Variants in SOD2 observed in about 807,000 individuals in gnomAD.
SOD2 encodes superoxide dismutase 2.
A neutral mutation model predicts 27.0 loss-of-function variants in SOD2; 11 were observed. The observed-to-expected ratio is 0.41, with a 90% CI of 0.26 to 0.67. SOD2 has a LOEUF of 0.67. SOD2 is among the 30% of genes least tolerant of loss of function. SOD2 has a pLI of 0.34. For synonymous variants in SOD2, 105 were observed against 103.0 expected, an observed-to-expected ratio of 1.02 and a Z score of -0.12; for missense variants, 250 against 274.5, an observed-to-expected ratio of 0.91 and a Z score of 0.63.
At chr6:159,685,538 G>T (rs907495168) in intron 3 of SOD2, among the ~76,000 whole-genome samples, 3 of 151,956 alleles carry the variant, frequency 2.0e-5, no homozygotes, top group Admixed American at 2.0e-4. Flanking sequence ...CACCGTGCCC[G>T]GTTCAAATTT....
upstream of SOD2, among the ~76,000 whole-genome samples, chr6:159,694,337 T>C (rs1438437416): frequency 6.6e-6 from 1 of 152,108 alleles, no homozygotes; most frequent in Non-Finnish European, 1.5e-5. Flanking sequence ...TTGAAAAGAA[T>C]ATGATGGAAG....
intron 1 of SOD2, among the ~76,000 whole-genome samples, chr6:159,705,593 G>C (rs953416958): frequency 1.3e-5 from 2 of 151,912 alleles, no homozygotes; most frequent in African/African-American, 4.8e-5. Context: ...AAGAAACAAA[G>C]CCTCCAAGAA....
intron 1 of SOD2, among the ~76,000 whole-genome samples, chr6:159,712,529 T>A (rs1777836170): frequency 1.5e-5 from 2 of 136,050 alleles, no homozygotes; most frequent in East Asian, 4.5e-4. Flanking sequence ...CCACTCACAC[T>A]GCTCTGATCA....
Position 159,700,686 on chromosome 6 carries a change from CAT to C in SOD2, c.-115-7825_-115-7824del, listed in dbSNP as rs1390411002. 8.6e-5 allele frequency among the ~76,000 whole-genome samples: 13 copies of C among 150,934 alleles called. No homozygotes were observed. In the South Asian group the frequency reaches 1.7e-3, roughly 19 times the overall value. On this transcript the variant is annotated intron_variant, in intron 1 of 2. Coordinates refer to the SOD2 transcript ENST00000401980. ...AAAAAAAAAATCAATGCATTGTTAA[CAT>C]GTGTGGCATGTTTTCCAACTCCCAT... is the stretch of plus-strand genomic sequence containing the variant.
At chr6:159,752,776 C>T (rs1779869459) in intron 1 of SOD2, among the ~76,000 whole-genome samples, 1 of 152,074 alleles carries the variant, frequency 6.6e-6, no homozygotes, top group Non-Finnish European at 1.5e-5. Flanking sequence ...TTTTTTGAGA[C>T]AGGGTCCCTG....
intron 1 of SOD2, among the ~76,000 whole-genome samples, chr6:159,732,886 A>AGTTGTGTGTGTGTGTGT (rs1778671324): frequency 6.8e-6 from 1 of 146,380 alleles, no homozygotes; most frequent in African/African-American, 2.6e-5. Context: ...ATATATATAT[A>AGTTGTGTGTGTGTGTGT]GTGTGTGTGT....
chr6:159,722,541 CTT>C (rs1397963581), intron 1 of SOD2, among the ~76,000 whole-genome samples: 1 of 152,146 alleles, frequency 6.6e-6, no homozygotes, highest in East Asian at 1.9e-4. Flanking sequence ...AGAGAGTAGA[CTT>C]TTATTTATTC....
At chr6:159,739,086 A>G in intron 1 of SOD2, 1 of 1,497,136 alleles carries the variant, frequency 6.7e-7, no homozygotes, top group Non-Finnish European at 9.3e-7. Context: ...TTTCTATAGA[A>G]CATTATATTG....
At chr6:159,722,299 A>C (rs1778057755) in intron 1 of SOD2, among the ~76,000 whole-genome samples, 1 of 152,122 alleles carries the variant, frequency 6.6e-6, no homozygotes. Flanking sequence ...CACGAGGATC[A>C]CTTGAGCCCA....
rs1419952197 is a variant in SOD2 at position 159,673,520 on chromosome 6, G to A, written c.*8973C>T. 3.3e-5 allele frequency: 5 copies of A among 152,002 alleles called. No homozygotes were observed. The highest frequency in any genetic ancestry group is 2.1e-4 in the South Asian group (1 of 4,814). The allele number at this position is 152,002 out of a possible 1,614,324, so 9.4% of individuals were successfully genotyped here. On this transcript the variant is annotated 3_prime_UTR_variant, in exon 5 of 5. Transcript: ENST00000538183. ...CTACTGGGTACATAACAAAATGAAGGCAGAAATAAAGATGTTCTTTGAAAC... is the reference window on the plus strand; with the variant it reads ...CTACTGGGTACATAACAAAATGAAGACAGAAATAAAGATGTTCTTTGAAAC...
intron 1 of SOD2, among the ~76,000 whole-genome samples, chr6:159,732,640 G>A (rs1175362874): frequency 6.6e-6 from 1 of 152,160 alleles, no homozygotes; most frequent in Non-Finnish European, 1.5e-5. Flanking sequence ...TTCGAGACCA[G>A]CCTGGTCAAC....
chr6:159,712,264 A>T (rs1208884117), intron 1 of SOD2, among the ~76,000 whole-genome samples: 1 of 138,998 alleles, frequency 7.2e-6, no homozygotes, highest in Admixed American at 7.2e-5. Context: ...CCACCTCCAT[A>T]ACCACCACTC....
At chr6:159,739,824 C>CTTTTTTTTTTTTTTTTT in intron 1 of SOD2, among the ~76,000 whole-genome samples, 1 of 85,188 alleles carries the variant, frequency 1.2e-5, no homozygotes, top group East Asian at 4.7e-4. Flanking sequence ...CACTTTTTAC[C>CTTTTTTTTTTTTTTTTT]TTTTTTTTTT....
chr6:159,759,447 G>A (rs922721984), intron 1 of SOD2, among the ~76,000 whole-genome samples: 5 of 150,866 alleles, frequency 3.3e-5, no homozygotes, highest in African/African-American at 4.8e-5. Flanking sequence ...CGAGGTGGGC[G>A]GATCACAAGG....
At position 159,675,664 on chromosome 6, in the gene SOD2, G is replaced by C. The variant is rs1779764716; in HGVS notation, c.*6829C>G. On this transcript the variant is annotated 3_prime_UTR_variant, in exon 5 of 5. Coordinates refer to ENST00000538183, the MANE Select transcript of SOD2 (RefSeq NM_000636.4). ...AAAACCCTAGAAGAAAACCTATGCAGTACCATTCAGGACACAGGCATGGGC... is the reference window on the plus strand; with the variant it reads ...AAAACCCTAGAAGAAAACCTATGCACTACCATTCAGGACACAGGCATGGGC... 1 of 152,048 alleles carries C rather than the reference G, an allele frequency of 6.6e-6. No individual in the cohort carries two copies. The highest frequency in any genetic ancestry group is 2.4e-5 in the African/African-American group (1 of 41,398). 9.4% of individuals were successfully genotyped at this position (152,048 alleles called of 1,614,324 possible).
intron 4 of SOD2, among the ~76,000 whole-genome samples, chr6:159,684,009 T>C (rs1205557640): frequency 2.6e-5 from 4 of 152,158 alleles, no homozygotes; most frequent in Non-Finnish European, 4.4e-5. Flanking sequence ...TCCCATACTC[T>C]TCAGTGACAT....
chr6:159,714,087 G>C lies in SOD2; in HGVS notation c.-116+13042C>G, dbSNP rs1353818837. ...GCCTTCAAATGGGCTATAGCAAGAT[G>C]ACAAGCAGAACTACTTCTGCTCACA... is the stretch of plus-strand genomic sequence containing the variant. On this transcript the variant is annotated intron_variant, in intron 1 of 2. Coordinates refer to the SOD2 transcript ENST00000401980. 5 of 586,024 alleles carry C rather than the reference G, an allele frequency of 8.5e-6. No homozygotes were observed. In the Admixed American group the frequency reaches 1.4e-4, roughly 17 times the overall value. 36.3% of individuals were successfully genotyped at this position (586,024 alleles called of 1,614,324 possible). A position where few individuals can be genotyped will look rare whatever the true frequency, so the allele number is the denominator to read the frequency against.
chr6:159,747,134 G>A (rs1779622361), upstream of SOD2, among the ~76,000 whole-genome samples: 1 of 152,114 alleles, frequency 6.6e-6, no homozygotes, highest in Admixed American at 6.5e-5. Flanking sequence ...TCCTATTTAA[G>A]CCTTAGTATG....
At chr6:159,694,181 T>C (rs909832894), upstream of SOD2, among the ~76,000 whole-genome samples, 2 of 152,228 alleles carry the variant, frequency 1.3e-5, no homozygotes, top group Non-Finnish European at 2.9e-5. Flanking sequence ...CAACAGAGGA[T>C]TCTTTCCTGC....
Sources: allele counts gnomAD v4.1 joint callset (sites outside exome capture counted in the v4.1 genomes callset), GRCh38; gene constraint gnomAD v4.1.1; transcripts MANE v1.5; gene names NCBI Gene and HGNC (gene_info 2026-07-23, HGNC 2026-07-21).